Variants in KANK1 observed in about 807,000 individuals in gnomAD.
KANK1 encodes KN motif and ankyrin repeat domains 1, also known as KN motif and ankyrin repeat domain-containing protein 1.
Under a neutral mutation model 106.2 loss-of-function variants are expected in KANK1, and 109 were observed. The ratio of observed to expected loss-of-function variants is 1.03; its 90% confidence interval spans 0.88 to 1.20. The LOEUF is 1.20. KANK1 is among the 50% of genes most tolerant of loss of function. KANK1 has a pLI of 0.00. For missense variants in KANK1, 2,399 were observed against 1,710.7 expected (o/e 1.40, Z -7.10); for synonymous variants, 873 against 652.2 (o/e 1.34, Z -5.16).
chr9:473,901 TG>T (rs2058061952), intron 3 of KANK1, among the ~76,000 whole-genome samples: 1 of 152,174 alleles, frequency 6.6e-6, no homozygotes, highest in Non-Finnish European at 1.5e-5. Context: ...GGTTTCACCA[TG>T]TTGGCCAGGA....
chr9:564,975 G>C (rs1817459170), intron 1 of KANK1, among the ~76,000 whole-genome samples: 1 of 152,062 alleles, frequency 6.6e-6, no homozygotes, highest in African/African-American at 2.4e-5. Context: ...GTGTGTGCAG[G>C]GCGGCTTCAC....
chr9:606,408 T>C (rs1268299692), intron 1 of KANK1, among the ~76,000 whole-genome samples: 1 of 146,762 alleles, frequency 6.8e-6, no homozygotes, highest in East Asian at 2.0e-4. Flanking sequence ...AATACAAAAT[T>C]AGCCGGGTGT....
intron 2 of KANK1, among the ~76,000 whole-genome samples, chr9:696,207 C>T (rs1397749941): frequency 2.0e-5 from 3 of 151,900 alleles, no homozygotes. Flanking sequence ...TGGCGTGAAC[C>T]CGGGAGGCGG....
intron 3 of KANK1, among the ~76,000 whole-genome samples, chr9:725,183 G>A (rs749513281): frequency 3.9e-5 from 6 of 152,104 alleles, no homozygotes; most frequent in Non-Finnish European, 8.8e-5. Flanking sequence ...GTGAGTTCTC[G>A]TTCAGCTCTG....
At chr9:501,131 G>A (rs2058544564), upstream of KANK1, among the ~76,000 whole-genome samples, 1 of 151,958 alleles carries the variant, frequency 6.6e-6, no homozygotes, top group African/African-American at 2.4e-5. Context: ...GCTTCAAAAT[G>A]GATTTGGAGC....
At chr9:608,035 T>TTTA (rs1554646402) in intron 1 of KANK1, among the ~76,000 whole-genome samples, 13 of 23,908 alleles carry the variant, frequency 5.4e-4, no homozygotes, top group South Asian at 1.6e-3. Flanking sequence ...ATTATTATTA[T>TTTA]TTTTTTTTTT....
intron 1 of KANK1, among the ~76,000 whole-genome samples, chr9:569,466 C>T (rs186591235): frequency 7.8e-4 from 119 of 152,202 alleles, no homozygotes; most frequent in African/African-American, 2.7e-3. Flanking sequence ...CTAGCACACT[C>T]GGCCGCCTCA....
chr9:738,727 G>A lies in KANK1; in HGVS notation c.3553+223G>A, dbSNP rs140615934. Among the ~76,000 whole-genome samples, 82 of 152,332 alleles carry A rather than the reference G, an allele frequency of 5.4e-4. 1 individual carries two copies. The highest frequency in any genetic ancestry group is 4.3e-3 in the Admixed American group (66 of 15,304). On this transcript the variant is annotated intron_variant, in intron 8 of 11. Coordinates refer to ENST00000382297, the MANE Select transcript of KANK1 (RefSeq NM_015158.5). Reference sequence around the variant, plus strand: ...ATTCTAGATCTGTTTTTGAAAGGAGGTTTTGAGGATCTTCTTGCTGCAGTT... The same window carrying A: ...ATTCTAGATCTGTTTTTGAAAGGAGATTTTGAGGATCTTCTTGCTGCAGTT...
intron 4 of KANK1, 45 bp downstream of exon 4, chr9:730,293 C>T (rs1388557815): frequency 1.3e-6 from 2 of 1,525,084 alleles, no homozygotes; most frequent in African/African-American, 1.4e-5. Flanking sequence ...ATTCTAGGGC[C>T]AGCATTGCCA....
intron 7 of KANK1, 117 bp from the exon 8 acceptor site, chr9:738,168 C>T: frequency 5.0e-6 from 4 of 796,414 alleles, no homozygotes; most frequent in South Asian, 1.8e-5. Flanking sequence ...TTTTTGAGAG[C>T]AGATTCTAAC....
intron 1 of KANK1, among the ~76,000 whole-genome samples, chr9:671,997 A>G (rs192214829): frequency 6.6e-6 from 1 of 152,096 alleles, no homozygotes; most frequent in African/African-American, 2.4e-5. Context: ...TTTCTTATCT[A>G]AAAAGGATTT....
intron 1 of KANK1, among the ~76,000 whole-genome samples, chr9:608,034 A>ATTATTTTTTTTTTTTTT (rs550990252): frequency 8.7e-6 from 1 of 115,354 alleles, no homozygotes; most frequent in African/African-American, 3.7e-5. Flanking sequence ...TATTATTATT[A>ATTATTTTTTTTTTTTTT]TTTTTTTTTT....
At chr9:539,609 G>T (rs1219587491) in intron 1 of KANK1, 2 of 152,086 alleles carry the variant, frequency 1.3e-5, no homozygotes, top group African/African-American at 4.8e-5. Context: ...TCTTGCCTCA[G>T]CCTCCCAAGT....
chr9:605,405 A>C (rs1828850643), intron 1 of KANK1, among the ~76,000 whole-genome samples: 1 of 151,812 alleles, frequency 6.6e-6, no homozygotes, highest in African/African-American at 2.4e-5. Context: ...AATTCAGATG[A>C]AGGGGCATCT....
At position 676,820 on chromosome 9, in the gene KANK1, A is replaced by G. The variant is rs1570474; in HGVS notation, c.-83-70A>G. 0.44 allele frequency: 276,411 copies of G among 622,100 alleles called. 68,335 individuals are homozygous for G. Among genetic ancestry groups the G allele is most frequent in the African/African-American group, 0.84 (45,311 of 53,848 alleles). 38.5% of individuals were successfully genotyped at this position (622,100 alleles called of 1,614,324 possible). On this transcript the variant is annotated intron_variant, in intron 1 of 11. Coordinates refer to ENST00000382297, the MANE Select transcript of KANK1 (RefSeq NM_015158.5). ...TCTGTTAGCAGTCATCTTTGTAAAC[A>G]GAAGTCTAAGATTTAGTTTGTACAT...
intron 1 of KANK1, among the ~76,000 whole-genome samples, chr9:518,319 T>C (rs1322038034): frequency 6.6e-6 from 1 of 151,778 alleles, no homozygotes; most frequent in Admixed American, 6.5e-5. Flanking sequence ...TGTTCACATG[T>C]TGAAGTCTGT....
intron 3 of KANK1, among the ~76,000 whole-genome samples, chr9:728,555 A>G (rs1294141954): frequency 6.6e-6 from 1 of 152,170 alleles, no homozygotes; most frequent in Non-Finnish European, 1.5e-5. Context: ...GAATATCTAC[A>G]TTATGTAGTG....
At chr9:728,843 T>C (rs1167537759) in intron 3 of KANK1, among the ~76,000 whole-genome samples, 1 of 152,214 alleles carries the variant, frequency 6.6e-6, no homozygotes, top group Non-Finnish European at 1.5e-5. Flanking sequence ...CAGAGTATCT[T>C]TGAATCTACC....
chr9:695,215 C>T (rs760077980), intron 2 of KANK1, among the ~76,000 whole-genome samples: 7 of 152,158 alleles, frequency 4.6e-5, no homozygotes, highest in Non-Finnish European at 8.8e-5. Context: ...TGGCTTAAAG[C>T]ACCGTCTTTG....
Sources: gnomAD v4.1 joint callset for allele counts (sites outside exome capture counted in the v4.1 genomes callset) on GRCh38, gnomAD v4.1.1 for gene constraint, MANE v1.5 for transcripts, NCBI Gene and HGNC (gene_info 2026-07-23, HGNC 2026-07-21) for gene names.